The following EYS variants were observed in gnomAD, a reference collection of about 807,000 sequenced individuals.
EYS encodes the protein protein eyes shut homolog.
Under a neutral mutation model 282.1 loss-of-function variants are expected in EYS, and 250 were observed. The ratio of observed to expected loss-of-function variants is 0.89; its 90% CI spans 0.80 to 0.98. The LOEUF (loss-of-function observed/expected upper bound fraction) is 0.98. EYS is among the 50% of genes least tolerant of loss of function. The pLI is 0.00. For missense variants in EYS, 4,016 were observed against 3,709.0 expected (o/e 1.08, Z -2.15); for synonymous variants, 1,355 against 1,282.9 (o/e 1.06, Z -1.20).
chr6:63,862,726 A>G (rs12205984), intron 36 of EYS, among the ~76,000 whole-genome samples: 75,617 of 152,122 alleles, frequency 0.5, 20,199 homozygotes, highest in African/African-American at 0.69. Context: ...TTACATCTGA[A>G]AAGCATGAGA....
At chr6:64,372,595 T>A (rs1201737427) in intron 29 of EYS, among the ~76,000 whole-genome samples, 2 of 152,162 alleles carry the variant, frequency 1.3e-5, no homozygotes, top group African/African-American at 4.8e-5. Flanking sequence ...ACCTCTCTAG[T>A]AAGGTTGGGG....
chr6:65,275,740 C>T (rs373876600), intron 12 of EYS, among the ~76,000 whole-genome samples: 17 of 152,164 alleles, frequency 1.1e-4, no homozygotes, highest in East Asian at 9.6e-4. Flanking sequence ...GTAGATAGAC[C>T]TGGCTCCAAA....
intron 26 of EYS, among the ~76,000 whole-genome samples, chr6:64,525,653 G>C (rs1204150336): frequency 6.6e-6 from 1 of 151,420 alleles, no homozygotes; most frequent in Non-Finnish European, 1.5e-5. Flanking sequence ...AAACCTGCAA[G>C]TATACTCCTG....
intron 26 of EYS, among the ~76,000 whole-genome samples, chr6:64,557,724 C>A: frequency 6.6e-6 from 1 of 151,868 alleles, no homozygotes; most frequent in Non-Finnish European, 1.5e-5. Flanking sequence ...AGGAAAGAAG[C>A]AGTAATTTAT....
chr6:64,514,936 G>C (rs1048764183), intron 26 of EYS, among the ~76,000 whole-genome samples: 1 of 151,770 alleles, frequency 6.6e-6, no homozygotes, highest in African/African-American at 2.4e-5. Context: ...ATTTTGCCTT[G>C]CACATTATAA....
chr6:64,380,679 C>T (rs1414680783), intron 29 of EYS, among the ~76,000 whole-genome samples: 1 of 152,014 alleles, frequency 6.6e-6, no homozygotes, highest in African/African-American at 2.4e-5. Context: ...TTGCTATACA[C>T]CAAATAATTT....
At chr6:63,987,737 A>G (rs1767433459) in intron 34 of EYS, among the ~76,000 whole-genome samples, 1 of 151,642 alleles carries the variant, frequency 6.6e-6, no homozygotes. Context: ...ATAAAATGGA[A>G]TACTGTCATT....
chr6:63,882,606 A>G (rs570733851), intron 35 of EYS, among the ~76,000 whole-genome samples: 9 of 152,364 alleles, frequency 5.9e-5, no homozygotes, highest in Non-Finnish European at 1.3e-4. Flanking sequence ...TTTGCAATCT[A>G]GATGGTGAGA....
intron 12 of EYS, among the ~76,000 whole-genome samples, chr6:65,291,914 A>G (rs758698313): frequency 6.6e-6 from 1 of 151,590 alleles, no homozygotes; most frequent in African/African-American, 2.4e-5. Context: ...GCTTGACGTG[A>G]TCCTACAATA....
chr6:64,621,293 T>C (rs569486311), intron 23 of EYS, among the ~76,000 whole-genome samples: 90 of 152,338 alleles, frequency 5.9e-4, no homozygotes, highest in African/African-American at 2.0e-3. Flanking sequence ...TTCTAAGATT[T>C]ATATATTTTA....
At chr6:64,027,367 C>A (rs1267029525) in intron 33 of EYS, among the ~76,000 whole-genome samples, 3 of 152,144 alleles carry the variant, frequency 2.0e-5, no homozygotes, top group African/African-American at 7.2e-5. Flanking sequence ...TGAATCACTC[C>A]AAGGTCAATT....
At chr6:65,609,545 T>C (rs180775457) in intron 2 of EYS, among the ~76,000 whole-genome samples, 1,570 of 152,198 alleles carry the variant, frequency 0.01, 13 homozygotes, top group Middle Eastern at 0.014. Context: ...TCACTTACAC[T>C]GAATATCACT....
intron 35 of EYS, among the ~76,000 whole-genome samples, chr6:63,969,105 A>G (rs6924618): frequency 0.31 from 47,609 of 152,048 alleles, 7,536 homozygotes; most frequent in Admixed American, 0.39. Flanking sequence ...TATAGCATCA[A>G]TATATTTTGT....
intron 12 of EYS, among the ~76,000 whole-genome samples, chr6:65,097,460 A>C (rs548589172): frequency 1.3e-5 from 2 of 151,036 alleles, no homozygotes; most frequent in East Asian, 3.9e-4. Context: ...AATGGTAAAA[A>C]CAGTACTACC....
intron 33 of EYS, among the ~76,000 whole-genome samples, chr6:64,048,664 A>G (rs2149842552): frequency 6.6e-6 from 1 of 151,904 alleles, no homozygotes; most frequent in Non-Finnish European, 1.5e-5. Context: ...GGTCTGAAGT[A>G]TTATGAAGTG....
At chr6:63,843,190 A>C (rs756495430) in intron 36 of EYS, among the ~76,000 whole-genome samples, 18 of 152,206 alleles carry the variant, frequency 1.2e-4, no homozygotes, top group Admixed American at 5.9e-4. Context: ...TTTATAAATT[A>C]CTTTGGGCAG....
chr6:65,188,326 A>G (rs1765560876), intron 12 of EYS, among the ~76,000 whole-genome samples: 1 of 151,794 alleles, frequency 6.6e-6, no homozygotes, highest in Admixed American at 6.6e-5. Flanking sequence ...ATAATCTTAA[A>G]TGCATAAAAT....
chr6:64,432,422 C>G (rs1189040201), intron 28 of EYS, among the ~76,000 whole-genome samples: 2 of 151,732 alleles, frequency 1.3e-5, no homozygotes, highest in African/African-American at 2.4e-5. Flanking sequence ...TTCTACCCTT[C>G]TTCAAGGACA....
At chr6:64,159,017 C>T (rs995865096) in intron 31 of EYS, among the ~76,000 whole-genome samples, 1 of 151,616 alleles carries the variant, frequency 6.6e-6, no homozygotes, top group African/African-American at 2.4e-5. Flanking sequence ...AAAATTATCA[C>T]TATAGTGAAA....
Sources: gnomAD v4.1 joint callset for allele counts (sites outside exome capture counted in the v4.1 genomes callset) on GRCh38, gnomAD v4.1.1 for gene constraint, MANE v1.5 for transcripts, NCBI Gene and HGNC (gene_info 2026-07-23, HGNC 2026-07-21) for gene names.